The following P2RX7 variants were observed in gnomAD, a reference collection of about 807,000 sequenced individuals.
The protein encoded by P2RX7 is purinergic receptor P2X 7.
In P2RX7, 62 loss-of-function variants were observed where a neutral mutation model predicts 71.6. The ratio of observed to expected loss-of-function variants is 0.87; its 90% confidence interval spans 0.71 to 1.07. The LOEUF is 1.07. Ranked by LOEUF, P2RX7 falls within the 50% of genes least tolerant of loss-of-function variation. The probability of loss-of-function intolerance (pLI) is 0.00; values close to 1 mark genes in which losing one functional copy is unlikely to be tolerated. For synonymous variants in P2RX7, 299 were observed against 283.3 expected (o/e 1.06, Z -0.56); for missense variants, 686 against 748.5 (o/e 0.92, Z 0.97).
At chr12:121,175,155 CA>C (rs1412537868) in intron 8 of P2RX7, among the ~76,000 whole-genome samples, 11 of 149,612 alleles carry the variant, frequency 7.4e-5, no homozygotes, top group African/African-American at 2.5e-4. Flanking sequence ...ACAAAAAATA[CA>C]AAAAATTAGC....
At chr12:121,176,404 G>A (rs1883128021) in intron 9 of P2RX7, among the ~76,000 whole-genome samples, 1 of 152,212 alleles carries the variant, frequency 6.6e-6, no homozygotes, top group Admixed American at 6.5e-5. Context: ...GTGATAAGCA[G>A]GACTAGAAGC....
chr12:121,154,731 C>A lies in P2RX7; in HGVS notation c.126-54C>A. 1 of 1,223,508 alleles carries A rather than the reference C, an allele frequency of 8.2e-7. No individual in the cohort carries two copies. Among genetic ancestry groups the A allele is most frequent in the African/African-American group, 1.5e-5 (1 of 67,494 alleles). The allele number at this position is 1,223,508 out of a possible 1,614,324, so 75.8% of individuals were successfully genotyped here. On this transcript the variant is annotated intron_variant, in intron 1 of 12. Transcript: ENST00000328963. The surrounding 1 kb of genome is among the most constrained non-coding windows in gnomAD (Gnocchi z 4.2). Reference sequence around the variant, plus strand: ...TGCCTGCATCCTCCAACGCCTGCATCCCAACCCGCTGTGCTATGCCTCCCG... The same window carrying A: ...TGCCTGCATCCTCCAACGCCTGCATACCAACCCGCTGTGCTATGCCTCCCG...
chr12:121,158,669 C>T (rs1879058663), intron 3 of P2RX7, among the ~76,000 whole-genome samples: 2 of 152,142 alleles, frequency 1.3e-5, no homozygotes, highest in Admixed American at 1.3e-4. Context: ...GAATTTGTGG[C>T]CATCTTTAAT....
rs1465955271 is a variant in P2RX7 at position 121,186,038 on chromosome 12, A to G, written c.*1236A>G. The stretch of plus-strand genomic sequence containing the variant: ...CACTGCACTCCAGGCTGGGTGACAG[A>G]GCGAGACTCCATCTCAAAAAAAAAA... On this transcript the variant is annotated 3_prime_UTR_variant, in exon 13 of 13. Coordinates refer to ENST00000328963, the MANE Select transcript of P2RX7 (RefSeq NM_002562.6). The G allele has an allele frequency of 6.7e-6, 1 of 149,402 alleles. No homozygotes were observed. Among genetic ancestry groups the G allele is most frequent in the Non-Finnish European group, 1.5e-5 (1 of 68,068 alleles). 9.3% of individuals were successfully genotyped at this position (149,402 alleles called of 1,614,324 possible). A position where few individuals can be genotyped will look rare whatever the true frequency, so the allele number is the denominator to read the frequency against.
At position 121,165,387 on chromosome 12, in the gene P2RX7, C is replaced by A. The variant is rs774745488; in HGVS notation, c.564C>A (p.Phe188Leu). The A allele has an allele frequency of 6.2e-7, 1 of 1,613,980 alleles. No homozygotes were observed. Among genetic ancestry groups the A allele is most frequent in the African/African-American group, 1.3e-5 (1 of 74,904 alleles). The change falls in exon 6 of 13, where the codon TTC (phenylalanine) becomes TTA (leucine). Residue 188 changes from phenylalanine (F) to leucine (L), a missense_variant. Phe to Leu is a conservative substitution (Grantham distance 22). Coordinates refer to ENST00000328963, the MANE Select transcript of P2RX7 (RefSeq NM_002562.6). ...CTCTCTTGAACAGTGCCGAAAACTTCACTGTGCTCATCAAGAACAATATCG... is the reference window on the plus strand; with the variant it reads ...CTCTCTTGAACAGTGCCGAAAACTTAACTGTGCTCATCAAGAACAATATCG... ...RPALLNSAEN[F>L]TVLIKNNIDF...
At chr12:121,168,422 C>T (rs546487567) in intron 8 of P2RX7, among the ~76,000 whole-genome samples, 10 of 152,068 alleles carry the variant, frequency 6.6e-5, no homozygotes, top group South Asian at 2.1e-4. Flanking sequence ...GCATGTGCCA[C>T]CACACCCAGC....
intron 5 of P2RX7, among the ~76,000 whole-genome samples, chr12:121,162,796 A>T (rs1880017916): frequency 6.6e-6 from 1 of 152,050 alleles, no homozygotes; most frequent in Non-Finnish European, 1.5e-5. Flanking sequence ...TCCTTCCCCC[A>T]GATCTTCCAG....
chr12:121,160,761 C>T lies in P2RX7; in HGVS notation c.364-141C>T, dbSNP rs1038846455. The T allele has an allele frequency of 4.1e-6, 3 of 736,378 alleles. No individual in the cohort carries two copies. The South Asian group carries it at 4.4e-5, about 11-fold the overall frequency. The allele number at this position is 736,378 out of a possible 1,614,324, so 45.6% of individuals were successfully genotyped here. A position where few individuals can be genotyped will look rare whatever the true frequency, so the allele number is the denominator to read the frequency against. The stretch of plus-strand genomic sequence containing the variant: ...CCATTCATCCGTCAGTGGCCACTTG[C>T]GTGGTTTCCACTTTTTTGGCGATTC... On this transcript the variant is annotated intron_variant, in intron 3 of 12. Coordinates refer to ENST00000328963, the MANE Select transcript of P2RX7 (RefSeq NM_002562.6).
At chr12:121,148,986 C>A in intron 1 of P2RX7, 1 of 489,480 alleles carries the variant, frequency 2.0e-6, no homozygotes. Context: ...TTTGATGTTA[C>A]CTTTGCGCTG....
intron 5 of P2RX7, among the ~76,000 whole-genome samples, chr12:121,163,358 G>A (rs61953397): frequency 0.27 from 27,215 of 99,450 alleles, 2,723 homozygotes; most frequent in Non-Finnish European, 0.29. Context: ...ACACACACAC[G>A]CACACACACA....
chr12:121,167,076 A>C (rs1253577407), intron 7 of P2RX7, among the ~76,000 whole-genome samples: 3 of 151,096 alleles, frequency 2.0e-5, no homozygotes, highest in Admixed American at 2.0e-4. Flanking sequence ...AAAATCCTTC[A>C]TGTATTCGCA....
chr12:121,133,913 G>A (rs1404310846), intron 1 of P2RX7, among the ~76,000 whole-genome samples: 6 of 151,886 alleles, frequency 4.0e-5, no homozygotes, highest in African/African-American at 1.5e-4. Context: ...TTAAAGAGAC[G>A]GGGTCTCACT....
intron 4 of P2RX7, 36 bp from the exon 5 acceptor site, chr12:121,162,388 C>T (rs200769923): frequency 1.5e-5 from 24 of 1,612,222 alleles, no homozygotes; most frequent in Non-Finnish European, 2.0e-5. Flanking sequence ...GCAGTTCTTT[C>T]ACATCTGTGG....
intron 5 of P2RX7, 42 bp from the exon 6 acceptor site, chr12:121,165,315 T>TC: frequency 1.3e-6 from 2 of 1,531,278 alleles, no homozygotes; most frequent in Non-Finnish European, 1.8e-6. Context: ...CTCCCTCGGT[T>TC]CCCCCCGTCA....
chr12:121,167,203 G>A (rs1465678824), intron 7 of P2RX7, among the ~76,000 whole-genome samples: 2 of 152,052 alleles, frequency 1.3e-5, no homozygotes, highest in Non-Finnish European at 2.9e-5. Context: ...GGGGCGTGGG[G>A]GGCATTAAAG....
rs768340722 is a variant in P2RX7, at chr12:121,167,647, A to T, written c.881+23A>T. 8.8e-5 allele frequency: 132 copies of T among 1,503,876 alleles called. 7 individuals carry two copies. The South Asian group carries it at 1.7e-3, about 19-fold the overall frequency. The allele number at this position is 1,503,876 out of a possible 1,614,324, so 93.2% of individuals were successfully genotyped here. On this transcript the variant is annotated intron_variant, in intron 8 of 12. Transcript: ENST00000328963. Reference sequence around the variant, plus strand: ...CAGGTAACTCCAAGGCCCAGGTCAAACTCACCCAGTGGCTGAATCGCATTC... The same window carrying T: ...CAGGTAACTCCAAGGCCCAGGTCAATCTCACCCAGTGGCTGAATCGCATTC...
At position 121,155,232 on chromosome 12, in the gene P2RX7, G is replaced by A. The variant is rs12299878; in HGVS notation, c.294+279G>A. 6,706 of 1,386,964 alleles carry A rather than the reference G, an allele frequency of 4.8e-3. 550 individuals carry two copies. In the Admixed American group the frequency reaches 0.14, roughly 28 times the overall value. 85.9% of individuals were successfully genotyped at this position (1,386,964 alleles called of 1,614,324 possible). ...TGATTCACTCGCGCTTGATTTACCC[G>A]CAGCTTTTTAGACGCACAGCCACCA... On this transcript the variant is annotated intron_variant, in intron 2 of 12. Coordinates refer to ENST00000328963, the MANE Select transcript of P2RX7 (RefSeq NM_002562.6).
intron 12 of P2RX7, among the ~76,000 whole-genome samples, chr12:121,180,956 T>G (rs1438832404): frequency 1.4e-5 from 2 of 147,236 alleles, no homozygotes; most frequent in Non-Finnish European, 3.0e-5. Flanking sequence ...AGAGCAAGAC[T>G]CCATCTCAAA....
intron 5 of P2RX7, 101 bp downstream of exon 5, chr12:121,162,621 A>G: frequency 7.0e-7 from 1 of 1,421,064 alleles, no homozygotes; most frequent in Non-Finnish European, 9.6e-7. Context: ...AGCCCTGCAA[A>G]GTCCTGGGTC....
Sources: gnomAD v4.1 joint callset for allele counts (sites outside exome capture counted in the v4.1 genomes callset) on GRCh38, gnomAD v4.1.1 for gene constraint, Gnocchi (gnomAD v3.1) non-coding constraint, MANE v1.5 for transcripts, NCBI Gene and HGNC (gene_info 2026-07-23, HGNC 2026-07-21) for gene names.